Variants in CHN1 observed in about 807,000 individuals in gnomAD.
CHN1 encodes the protein chimerin 1.
Under a neutral mutation model 59.5 loss-of-function variants are expected in CHN1, and 37 were observed. The ratio of observed to expected loss-of-function variants is 0.62; its 90% CI spans 0.48 to 0.82. CHN1 has a LOEUF of 0.82. CHN1 is among the 40% of genes least tolerant of loss of function. The pLI, the probability that CHN1 is intolerant of heterozygous loss-of-function variation, is 0.00. For missense variants in CHN1, 469 were observed against 571.0 expected (o/e 0.82, Z 1.82); for synonymous variants, 206 against 200.4 (o/e 1.03, Z -0.24).
At chr2:174,820,336 T>G (rs969221029) in intron 8 of CHN1, among the ~76,000 whole-genome samples, 1 of 152,336 alleles carries the variant, frequency 6.6e-6, no homozygotes, top group East Asian at 1.9e-4. Context: ...ACCTGTTGTT[T>G]CCTGACTTTT....
chr2:174,964,700 T>C (rs534474335), intron 1 of CHN1, among the ~76,000 whole-genome samples: 1 of 152,326 alleles, frequency 6.6e-6, no homozygotes, highest in African/African-American at 2.4e-5. Context: ...CGGTTCTAAT[T>C]GAATTTGCTG....
At chr2:174,896,867 CCAT>C (rs1688232476) in intron 5 of CHN1, among the ~76,000 whole-genome samples, 1 of 152,102 alleles carries the variant, frequency 6.6e-6, no homozygotes. Flanking sequence ...AATATCACCA[CCAT>C]ATGTATATAA....
At position 174,865,326 on chromosome 2, in the gene CHN1, A is replaced by G. The variant is rs1216253899; in HGVS notation, c.549+12514T>C. ...CTAACTACTTAAAAGATAGTGATCT[A>G]CTTAGTCTTTATTCAGTCCAACATT... On this transcript the variant is annotated intron_variant, in intron 6 of 12. Transcript: ENST00000409900. Among the ~76,000 whole-genome samples, 3 of 152,154 alleles carry G rather than the reference A, an allele frequency of 2.0e-5. No homozygotes were observed. In the East Asian group the frequency reaches 5.8e-4, roughly 29 times the overall value.
At position 174,974,170 on chromosome 2, in the gene CHN1, G is replaced by C. The variant is rs569198488; in HGVS notation, c.20-21968C>G. On this transcript the variant is annotated intron_variant, in intron 1 of 12. Coordinates refer to ENST00000409900, the MANE Select transcript of CHN1 (RefSeq NM_001822.7). ...TACTAAAATGGAAAGGTGGATAATCGGTTTGTTTTAAAATATTCAAATAGA... is the reference window on the plus strand; with the variant it reads ...TACTAAAATGGAAAGGTGGATAATCCGTTTGTTTTAAAATATTCAAATAGA... Among the ~76,000 whole-genome samples the C allele has an allele frequency of 2.7e-3, 406 of 152,182 alleles. 3 individuals are homozygous for C. Among genetic ancestry groups the C allele is most frequent in the Non-Finnish European group, 3.8e-3 (260 of 67,994 alleles).
At chr2:174,878,176 G>A in intron 5 of CHN1, 48 bp from the exon 6 acceptor site, 1 of 1,436,952 alleles carries the variant, frequency 7.0e-7, no homozygotes, top group Non-Finnish European at 9.3e-7. Context: ...GTAAGCAACT[G>A]AATTCTTTCT....
At chr2:174,915,806 C>A (rs1181515182) in intron 4 of CHN1, among the ~76,000 whole-genome samples, 4 of 152,036 alleles carry the variant, frequency 2.6e-5, no homozygotes, top group Non-Finnish European at 5.9e-5. Flanking sequence ...CACAGATGAA[C>A]CTATAACAAT....
At chr2:174,875,791 T>C in intron 6 of CHN1, 3 of 984,362 alleles carry the variant, frequency 3.0e-6, no homozygotes, top group Non-Finnish European at 3.6e-6. Context: ...TACTTACAAA[T>C]GTCATCCATT....
At chr2:174,849,628 G>C (rs374399733) in intron 6 of CHN1, among the ~76,000 whole-genome samples, 1 of 152,052 alleles carries the variant, frequency 6.6e-6, no homozygotes, top group African/African-American at 2.4e-5. Flanking sequence ...ATATCTAGTA[G>C]ATAGCCATCT....
At position 174,980,846 on chromosome 2, in the gene CHN1, C is replaced by G. The variant is rs1050298503; in HGVS notation, c.19+24048G>C. On this transcript the variant is annotated intron_variant, in intron 1 of 12. Transcript: ENST00000409900. ...TATCACTCTTCCAGTGACTTGTAAT[C>G]ATGTAATTTTGAAGGAAAAACTCCA... Among the ~76,000 whole-genome samples, 8 of 152,116 alleles carry G rather than the reference C, an allele frequency of 5.3e-5. 1 individual carries two copies. Among genetic ancestry groups the G allele is most frequent in the African/African-American group, 9.7e-5 (4 of 41,420 alleles).
intron 3 of CHN1, among the ~76,000 whole-genome samples, chr2:174,927,866 T>C (rs947569386): frequency 6.6e-6 from 1 of 152,204 alleles, no homozygotes; most frequent in Non-Finnish European, 1.5e-5. Flanking sequence ...TCTTAAAAGC[T>C]AGCACATTAC....
At chr2:174,920,370 G>A (rs1688980881) in intron 3 of CHN1, among the ~76,000 whole-genome samples, 1 of 152,114 alleles carries the variant, frequency 6.6e-6, no homozygotes, top group Non-Finnish European at 1.5e-5. Flanking sequence ...CAGAATCATG[G>A]TAGTGGAGAA....
chr2:174,826,311 A>C (rs749282592), intron 7 of CHN1, among the ~76,000 whole-genome samples: 1 of 152,214 alleles, frequency 6.6e-6, no homozygotes, highest in African/African-American at 2.4e-5. Context: ...AGAGTGAATA[A>C]AACTGGATAA....
intron 11 of CHN1, among the ~76,000 whole-genome samples, chr2:174,803,000 T>C (rs1684776184): frequency 6.6e-6 from 1 of 152,004 alleles, no homozygotes; most frequent in Non-Finnish European, 1.5e-5. Context: ...ATTGCATCAC[T>C]GTGCTCTAAG....
chr2:174,908,095 G>T (rs1574151944), intron 5 of CHN1, among the ~76,000 whole-genome samples: 3 of 152,158 alleles, frequency 2.0e-5, no homozygotes, highest in Non-Finnish European at 4.4e-5. Context: ...CAGATACAGG[G>T]TTTGGGGATT....
intron 3 of CHN1, among the ~76,000 whole-genome samples, chr2:174,924,483 T>C (rs1389203682): frequency 6.6e-6 from 1 of 152,212 alleles, no homozygotes; most frequent in East Asian, 1.9e-4. Flanking sequence ...CCCCTCTCCA[T>C]GTGCATGTGA....
At chr2:174,822,923 A>G (rs1685549449) in intron 8 of CHN1, among the ~76,000 whole-genome samples, 2 of 152,160 alleles carry the variant, frequency 1.3e-5, no homozygotes, top group South Asian at 2.1e-4. Flanking sequence ...TTCTTATCCC[A>G]CTTCCTGTGG....
intron 8 of CHN1, among the ~76,000 whole-genome samples, chr2:174,814,847 C>T (rs1410793167): frequency 1.3e-5 from 2 of 152,128 alleles, no homozygotes; most frequent in African/African-American, 2.4e-5. Flanking sequence ...GATACAGATG[C>T]TTCCATATCT....
chr2:174,957,446 T>G (rs1381687519), intron 1 of CHN1, among the ~76,000 whole-genome samples: 11 of 89,938 alleles, frequency 1.2e-4, no homozygotes, highest in Non-Finnish European at 1.5e-4. Context: ...GTGTGTGTGT[T>G]GGGGGGGGGG....
At chr2:174,933,036 A>G (rs1558987357) in intron 3 of CHN1, among the ~76,000 whole-genome samples, 1 of 152,198 alleles carries the variant, frequency 6.6e-6, no homozygotes, top group Admixed American at 6.5e-5. Context: ...AGTAACTGCC[A>G]TCAATTGAGA....
Sources: allele counts gnomAD v4.1 joint callset (sites outside exome capture counted in the v4.1 genomes callset), GRCh38; gene constraint gnomAD v4.1.1; transcripts MANE v1.5; gene names NCBI Gene and HGNC (gene_info 2026-07-23, HGNC 2026-07-21).